Variants in PCDHA4 observed in about 807,000 individuals in gnomAD.
PCDHA4 encodes the protein protocadherin alpha-4.
A neutral mutation model predicts 61.4 loss-of-function variants in PCDHA4; 49 were observed. The ratio of observed to expected loss-of-function variants is 0.80; its 90% CI spans 0.63 to 1.01. PCDHA4 has a LOEUF of 1.01. Among genes scored for constraint, PCDHA4 ranks in the 50% least tolerant of loss-of-function variants. The pLI is 0.00. For synonymous variants in PCDHA4, 590 were observed against 550.3 expected (o/e 1.07, Z -1.01); for missense variants, 1,254 against 1,235.8 (o/e 1.01, Z -0.22).
intron 1 of PCDHA4, chr5:140,866,209 TGGA>T (rs371374348): frequency 2.8e-4 from 43 of 152,294 alleles, no homozygotes; most frequent in African/African-American, 7.9e-4. Context: ...AATATCCTTG[TGGA>T]ACACCTAAAC....
chr5:140,993,380 C>G (rs1304300325), intron 3 of PCDHA4, among the ~76,000 whole-genome samples: 1 of 151,860 alleles, frequency 6.6e-6, no homozygotes, highest in Non-Finnish European at 1.5e-5. Context: ...CCAGCCGGGT[C>G]CCTGAAACTC....
chr5:140,875,133 A>G (rs1269514593), intron 1 of PCDHA4, among the ~76,000 whole-genome samples: 1 of 152,228 alleles, frequency 6.6e-6, no homozygotes, highest in Non-Finnish European at 1.5e-5. Context: ...CTAAACCCGC[A>G]TTTATAAATG....
intron 3 of PCDHA4, among the ~76,000 whole-genome samples, chr5:140,987,826 G>T (rs1481540038): frequency 6.6e-6 from 1 of 152,014 alleles, no homozygotes; most frequent in Non-Finnish European, 1.5e-5. Flanking sequence ...TTTCCTTAGG[G>T]GATTGCTTTT....
Position 141,009,608 on chromosome 5 carries a change from G to A in PCDHA4, c.2534-19G>A, listed in dbSNP as rs1350951999. ...CATGTGTTGACCCTGTTAATGATTTGTAATGTTTTGTCTTTCAGAACCAGA... is the reference window on the plus strand; with the variant it reads ...CATGTGTTGACCCTGTTAATGATTTATAATGTTTTGTCTTTCAGAACCAGA... On this transcript the variant is annotated intron_variant, in intron 3 of 3. Coordinates refer to ENST00000530339, the MANE Select transcript of PCDHA4 (RefSeq NM_018907.4). The A allele has an allele frequency of 2.5e-6, 4 of 1,610,656 alleles. No individual in the cohort carries two copies. The highest frequency in any genetic ancestry group is 3.4e-6 in the Non-Finnish European group (4 of 1,177,936).
At chr5:140,814,884 T>G (rs2126659820) in intron 1 of PCDHA4, 2 of 152,350 alleles carry the variant, frequency 1.3e-5, no homozygotes, top group South Asian at 4.1e-4. Context: ...TGGGTGCATA[T>G]GTATTTATAA....
chr5:140,850,137 A>G, intron 1 of PCDHA4: 1 of 1,595,786 alleles, frequency 6.3e-7, no homozygotes, highest in South Asian at 1.1e-5. Flanking sequence ...TCTGGGCAGC[A>G]ACGTGACGCT....
At chr5:140,952,351 AAAAG>A (rs1316352142) in intron 1 of PCDHA4, among the ~76,000 whole-genome samples, 25 of 120,612 alleles carry the variant, frequency 2.1e-4, no homozygotes, top group Non-Finnish European at 3.5e-4. Context: ...AAAAAAAAAA[AAAAG>A]AAAGAAAGAA....
At position 141,010,202 on chromosome 5, in the gene PCDHA4, GC is replaced by G. The variant is rs1308553255; in HGVS notation, c.*267del. 6.4e-7 allele frequency: 1 copy of G among 1,551,944 alleles called. No individual in the cohort carries two copies. The highest frequency in any genetic ancestry group is 8.7e-7 in the Non-Finnish European group (1 of 1,147,050). The stretch of plus-strand genomic sequence containing the variant: ...CAGACCCAAGTTTCCTTTCTCCTCC[GC>G]CGCAAAGGAGAGGCTTCCCAGCCCC... On this transcript the variant is annotated 3_prime_UTR_variant, in exon 4 of 4. Transcript: ENST00000530339.
intron 1 of PCDHA4, chr5:140,857,400 C>A: frequency 6.3e-7 from 1 of 1,598,488 alleles, no homozygotes; most frequent in Non-Finnish European, 8.6e-7. Flanking sequence ...AACGACAACG[C>A]GCCTGCGTTC....
At chr5:140,961,888 T>C (rs1361187779) in intron 1 of PCDHA4, among the ~76,000 whole-genome samples, 8 of 124,918 alleles carry the variant, frequency 6.4e-5, no homozygotes, top group Non-Finnish European at 9.4e-5. Context: ...CTTACATCAG[T>C]TTTTTTTTTT....
At chr5:140,998,591 T>A (rs2097823979) in intron 3 of PCDHA4, among the ~76,000 whole-genome samples, 1 of 150,884 alleles carries the variant, frequency 6.6e-6, no homozygotes, top group Non-Finnish European at 1.5e-5. Context: ...TGAGACAGAG[T>A]TTTGCTCTTG....
At chr5:140,943,791 C>G (rs74565063) in intron 1 of PCDHA4, among the ~76,000 whole-genome samples, 2,339 of 152,200 alleles carry the variant, frequency 0.015, 18 homozygotes, top group Middle Eastern at 0.027. Flanking sequence ...GTCCTTTATG[C>G]AAAGCAAAAG....
intron 1 of PCDHA4, chr5:140,836,621 G>A (rs2150265986): frequency 1.9e-5 from 31 of 1,613,494 alleles, no homozygotes; most frequent in Non-Finnish European, 2.5e-5. Context: ...GCGCGGTGGG[G>A]AGCTGGTCAT....
At chr5:140,863,489 C>A in intron 1 of PCDHA4, 1 of 450,994 alleles carries the variant, frequency 2.2e-6, no homozygotes, top group Non-Finnish European at 4.4e-6. Flanking sequence ...CCAAGGTCAA[C>A]ATTACGGCTT....
intron 1 of PCDHA4, chr5:140,821,615 A>C: frequency 2.4e-6 from 2 of 836,314 alleles, no homozygotes; most frequent in Middle Eastern, 3.3e-4. Context: ...CAGTGAGTAG[A>C]TTTTCCTTAG....
intron 1 of PCDHA4, chr5:140,877,101 G>T (rs375706181): frequency 6.8e-6 from 11 of 1,613,354 alleles, no homozygotes; most frequent in Non-Finnish European, 9.3e-6. Flanking sequence ...CCGGCGTGCC[G>T]CCTCTGGGCA....
intron 1 of PCDHA4, among the ~76,000 whole-genome samples, chr5:140,838,065 TTATA>T (rs144773480): frequency 1.1e-4 from 12 of 113,362 alleles, no homozygotes; most frequent in Admixed American, 1.8e-4. Context: ...CCACTTTAAG[TTATA>T]TATATATAGT....
intron 1 of PCDHA4, among the ~76,000 whole-genome samples, chr5:140,925,108 G>GGAAGGAAGGAA (rs1554202548): frequency 1.6e-5 from 2 of 124,702 alleles, no homozygotes; most frequent in African/African-American, 3.3e-5. Flanking sequence ...GAAGGAAGGA[G>GGAAGGAAGGAA]GGAAGGAAGG....
intron 1 of PCDHA4, chr5:140,862,120 A>G (rs898970647): frequency 2.5e-5 from 4 of 161,592 alleles, no homozygotes; most frequent in African/African-American, 7.2e-5. Flanking sequence ...GGATAAATAA[A>G]TGTAAAGATA....
Sources: allele counts gnomAD v4.1 joint callset (sites outside exome capture counted in the v4.1 genomes callset), GRCh38; gene constraint gnomAD v4.1.1; transcripts MANE v1.5; gene names NCBI Gene and HGNC (gene_info 2026-07-23, HGNC 2026-07-21).